Variants in TUBGCP2 observed in about 807,000 individuals in gnomAD.
TUBGCP2 encodes tubulin gamma complex component 2, also known as gamma-tubulin complex component 2.
In TUBGCP2, 55 loss-of-function variants were observed where a neutral mutation model predicts 92.2. The ratio of observed to expected loss-of-function variants is 0.60; its 90% CI spans 0.48 to 0.75. The LOEUF (loss-of-function observed/expected upper bound fraction) is 0.75, where lower values mean the gene tolerates loss of function less well. Among genes scored for constraint, TUBGCP2 ranks in the 30% least tolerant of loss-of-function variants. The pLI is 0.00. For missense variants in TUBGCP2, 1,093 were observed against 1,188.9 expected, an observed-to-expected ratio of 0.92 and a Z score of 1.19; for synonymous variants, 533 against 505.2, an observed-to-expected ratio of 1.06 and a Z score of -0.74.
intron 1 of TUBGCP2, among the ~76,000 whole-genome samples, chr10:133,305,371 T>C (rs528414364): frequency 2.6e-5 from 4 of 152,282 alleles, no homozygotes; most frequent in Non-Finnish European, 5.9e-5. Flanking sequence ...TTATCAATCA[T>C]TGGAGATGAC....
At position 133,291,833 on chromosome 10, in the gene TUBGCP2, C is replaced by CCCGTGTCCCT. The variant is rs1554935851; in HGVS notation, c.1214+665_1214+666insAGGGACACGG. ...GTGTCCCCCATGTCCCTCCGTGTCC[C>CCCGTGTCCCT]CCATGTCCCTCCGTGTCCCTGTGTC... is the stretch of plus-strand genomic sequence containing the variant. On this transcript the variant is annotated intron_variant, in intron 8 of 17. Transcript: ENST00000252936. Among the ~76,000 whole-genome samples the CCCGTGTCCCT allele has an allele frequency of 1.4e-3, 15 of 10,578 alleles. 5 individuals carry two copies. Among genetic ancestry groups the CCCGTGTCCCT allele is most frequent in the African/African-American group, 6.7e-3 (14 of 2,076 alleles). 6.9% of individuals were successfully genotyped at this position (10,578 alleles called of 152,430 possible).
In TUBGCP2 at chr10:133,285,623, G is replaced by A. The variant is rs1847118563; in HGVS notation, c.1728C>T (p.Asp576=). 7.3e-6 allele frequency: 11 copies of A among 1,512,260 alleles called. No individual in the cohort carries two copies. The highest frequency in any genetic ancestry group is 8.9e-6 in the Non-Finnish European group (10 of 1,129,660). The allele number at this position is 1,512,260 out of a possible 1,614,324, so 93.7% of individuals were successfully genotyped here. A position where few individuals can be genotyped will look rare whatever the true frequency, so the allele number is the denominator to read the frequency against. ...TDPFKDDLKI[D]LMPHDLITQL... ...GAGTGATGAGGTCATGGGGCATCAG[G>A]TCGATCTTGGAGGGAAGGAAATGAA... The change falls in exon 12 of 18, where the codon GAC becomes GAT. Residue 576 remains aspartate (D), a synonymous_variant. Coordinates refer to ENST00000252936, the MANE Select transcript of TUBGCP2 (RefSeq NM_006659.4). This position sits in a 1 kb window ranked among gnomAD's most constrained non-coding sequence, Gnocchi z 6.8.
At chr10:133,288,098 A>G in intron 11 of TUBGCP2, 31 bp downstream of exon 11, 1 of 1,595,458 alleles carries the variant, frequency 6.3e-7, no homozygotes, top group Non-Finnish European at 8.6e-7. Flanking sequence ...GGCCTCTGCC[A>G]CAGGGGACAG....
At chr10:133,288,785 G>T in intron 10 of TUBGCP2, 55 bp downstream of exon 10, 6 of 1,516,778 alleles carry the variant, frequency 4.0e-6, no homozygotes, top group African/African-American at 1.4e-5. Context: ...ACGTCCCACA[G>T]GTTCCGGTTT....
chr10:133,285,103 G>A lies in TUBGCP2; in HGVS notation c.2006C>T (p.Ser669Leu), dbSNP rs561848773. 18 of 1,609,084 alleles carry A rather than the reference G, an allele frequency of 1.1e-5. No individual in the cohort carries two copies. Among genetic ancestry groups the A allele is most frequent in the East Asian group, 4.5e-5 (2 of 44,740 alleles). Residue 669 changes from serine to leucine, a missense_variant, in exon 13 of 18, where the codon TCG becomes TTG. Physicochemically the swap from Ser to Leu is moderately radical, Grantham distance 145 (BLOSUM62 -2). Transcript: ENST00000252936. The surrounding 1 kb of genome is among the most constrained non-coding windows in gnomAD (Gnocchi z 6.8). ...AACGCACCACTGGGCGGAGTGCAGCGAGTGCTGCTTGGCGGTTTTGTTGCT... is the reference window on the plus strand; with the variant it reads ...AACGCACCACTGGGCGGAGTGCAGCAAGTGCTGCTTGGCGGTTTTGTTGCT... ...WISNKTAKQH[S>L]LHSAQWFAGA...
chr10:133,283,863 C>A lies in TUBGCP2; in HGVS notation c.2145+19G>T. On this transcript the variant is annotated intron_variant, in intron 14 of 17. Coordinates refer to ENST00000252936, the MANE Select transcript of TUBGCP2 (RefSeq NM_006659.4). ...GAAAGTGGCTTTCAAACGTTATTATCTGTGGAGCTAAAACTCACGGATTTC... is the reference window on the plus strand; with the variant it reads ...GAAAGTGGCTTTCAAACGTTATTATATGTGGAGCTAAAACTCACGGATTTC... The A allele has an allele frequency of 6.2e-7, 1 of 1,612,916 alleles. No homozygotes were observed. Among genetic ancestry groups the A allele is most frequent in the South Asian group, 1.1e-5 (1 of 90,918 alleles).
intron 6 of TUBGCP2, 74 bp from the exon 7 acceptor site, chr10:133,293,312 C>T (rs896434427): frequency 6.5e-7 from 1 of 1,533,336 alleles, no homozygotes; most frequent in Non-Finnish European, 8.9e-7. Context: ...TTCTGAGTCT[C>T]ATCCCAAACA....
At chr10:133,293,797 T>C (rs2860672) in intron 5 of TUBGCP2, 28 bp from the exon 6 acceptor site, 152,969 of 1,556,854 alleles carry the variant, frequency 0.098, 15,158 homozygotes, top group African/African-American at 0.52. Context: ...GCTGTGGCTC[T>C]GCAGCCCCCA....
intron 16 of TUBGCP2, 24 bp from the exon 17 acceptor site, chr10:133,281,460 G>A: frequency 3.1e-6 from 5 of 1,606,928 alleles, no homozygotes; most frequent in Admixed American, 1.7e-5. Context: ...CGGGGTGCGT[G>A]AGCCATGCCC....
chr10:133,284,318 A>G (rs1847073386), intron 13 of TUBGCP2, among the ~76,000 whole-genome samples: 1 of 152,178 alleles, frequency 6.6e-6, no homozygotes, highest in Non-Finnish European at 1.5e-5. Context: ...GCCACACAAC[A>G]GATGCATATT....
rs113074805 is a variant in TUBGCP2, at chr10:133,286,411, A to G, written c.1723-783T>C. On this transcript the variant is annotated intron_variant, in intron 11 of 17. Transcript: ENST00000252936. Reference sequence around the variant, plus strand: ...GAGACCCCAAAATATCTGAATCAAGAATAGACAGAATGACAAGGAGAAAAG... The same window carrying G: ...GAGACCCCAAAATATCTGAATCAAGGATAGACAGAATGACAAGGAGAAAAG... Among the ~76,000 whole-genome samples, 847 of 152,326 alleles carry G rather than the reference A, an allele frequency of 5.6e-3. 8 individuals carry two copies. Among genetic ancestry groups the G allele is most frequent in the African/African-American group, 0.019 (791 of 41,572 alleles).
In TUBGCP2 at chr10:133,278,903, G is replaced by A. The variant is rs1846891114; in HGVS notation, c.*863C>T. The A allele has an allele frequency of 6.6e-6, 1 of 152,384 alleles. No homozygotes were observed. The highest frequency in any genetic ancestry group is 1.5e-5 in the Non-Finnish European group (1 of 68,122). 9.4% of individuals were successfully genotyped at this position (152,384 alleles called of 1,614,324 possible). ...TGAAGGTGACAACAATACACATGCA[G>A]GTCAGCAGGAAGGGGCAGCTTGGCC... On this transcript the variant is annotated 3_prime_UTR_variant, in exon 18 of 18. Coordinates refer to ENST00000252936, the MANE Select transcript of TUBGCP2 (RefSeq NM_006659.4).
upstream of TUBGCP2, chr10:133,311,998 C>T (rs199567584): frequency 8.1e-6 from 13 of 1,600,348 alleles, no homozygotes; most frequent in African/African-American, 1.1e-4. Flanking sequence ...GTCCAGATAT[C>T]TCAGGTCCTG....
In TUBGCP2 at chr10:133,288,265, A is replaced by G; in HGVS notation, c.1586T>C (p.Val529Ala). 7.4e-6 allele frequency: 12 copies of G among 1,613,714 alleles called. No homozygotes were observed. Among genetic ancestry groups the G allele is most frequent in the Non-Finnish European group, 1.0e-5 (12 of 1,179,954 alleles). ...YFLMDQGDFF[V>A]HFMDLAEEEL... ...CTCCTCCGCGAGGTCCATGAAGTGC[A>G]CGAAGAAGTCGCCCTGGTCCATGAG... is the stretch of plus-strand genomic sequence containing the variant. Residue 529 changes from valine to alanine, a missense_variant, in exon 11 of 18, where the codon GTG becomes GCG. Physicochemically the swap from Val to Ala is moderately conservative, Grantham distance 64. Coordinates refer to ENST00000252936, the MANE Select transcript of TUBGCP2 (RefSeq NM_006659.4).
chr10:133,298,052 C>G lies in TUBGCP2; in HGVS notation c.516G>C (p.Gln172His), dbSNP rs1847531314. ...CCCATGCTGGGAAGATGGGGAGGTG[C>G]TGGCCTGAATTTTTTTTGTTCTGCT... ...RDKQNKKNSG[Q>H]HLPIFPAWVY... is the part of the protein sequence containing the mutation. Residue 172 changes from glutamine (Q) to histidine (H), a missense_variant, in exon 5 of 18, where the codon CAG becomes CAC. Gln to His is a conservative substitution (Grantham distance 24). This residue lies in a region of TUBGCP2 where 490 missense variants were observed against 488.5 expected (regional missense o/e 1.00). Transcript: ENST00000252936. The G allele has an allele frequency of 1.9e-6, 3 of 1,614,180 alleles. No individual in the cohort carries two copies. The East Asian group carries it at 6.7e-5, about 36-fold the overall frequency.
At chr10:133,293,989 T>G (rs879661882) in intron 5 of TUBGCP2, among the ~76,000 whole-genome samples, 11 of 152,192 alleles carry the variant, frequency 7.2e-5, no homozygotes, top group Non-Finnish European at 1.2e-4. Context: ...GTGGCTGGTG[T>G]CAAGATCTCA....
In TUBGCP2 at chr10:133,279,305, G is replaced by A. The variant is rs1846904161; in HGVS notation, c.*461C>T. On this transcript the variant is annotated 3_prime_UTR_variant, in exon 18 of 18. Transcript: ENST00000252936. The stretch of plus-strand genomic sequence containing the variant: ...AGGAGAAGGAACGGGGCTGCCTCTG[G>A]GGCCAAAGCAAACCCGACACCCGAT... 1.2e-5 allele frequency: 2 copies of A among 162,228 alleles called. No individual in the cohort carries two copies. The highest frequency in any genetic ancestry group is 2.7e-5 in the Non-Finnish European group (2 of 74,304). The allele number at this position is 162,228 out of a possible 1,614,324, so 10.0% of individuals were successfully genotyped here. A position where few individuals can be genotyped will look rare whatever the true frequency, so the allele number is the denominator to read the frequency against.
Position 133,283,099 on chromosome 10 carries a change from G to A in TUBGCP2, c.2268C>T (p.Val756=). 6.2e-7 allele frequency: 1 copy of A among 1,614,222 alleles called. No homozygotes were observed. Among genetic ancestry groups the A allele is most frequent in the South Asian group, 1.1e-5 (1 of 91,084 alleles). Residue 756 remains valine, a synonymous_variant, in exon 15 of 18, where the codon GTC becomes GTT. Coordinates refer to ENST00000252936, the MANE Select transcript of TUBGCP2 (RefSeq NM_006659.4). ...GCACCTGCATGCAGTTGGTGAACAT[G>A]ACGCACACAGACATGAGCTTGGAGA... The part of the protein sequence containing the change: ...KVFSKLMSVC[V]MFTNCMQKFT...
intron 16 of TUBGCP2, 181 bp from the exon 17 acceptor site, chr10:133,281,617 A>C (rs1846979863): frequency 1.2e-6 from 1 of 814,426 alleles, no homozygotes. Context: ...ATTCCTGAGA[A>C]CCCAGCACTC....
Sources: gnomAD v4.1 joint callset for allele counts (sites outside exome capture counted in the v4.1 genomes callset) on GRCh38, gnomAD v4.1.1 for gene constraint, gnomAD v4.1.1 regional missense constraint, Gnocchi (gnomAD v3.1) non-coding constraint, MANE v1.5 for transcripts, NCBI Gene and HGNC (gene_info 2026-07-23, HGNC 2026-07-21) for gene names.